QTMAN: variants seen among roughly 807,000 people sequenced by gnomAD.
The protein encoded by QTMAN is tRNA-queuosine alpha-mannosyltransferase.
At chr2:144,017,586 T>A in the QTMAN span, among the ~76,000 whole-genome samples, 1 of 152,180 alleles carries the variant, frequency 6.6e-6, no homozygotes, top group African/African-American at 2.4e-5. Context: ...CTCTGTCACT[T>A]TTTAGCTGAC....
At chr2:144,202,414 A>AT in the QTMAN span, among the ~76,000 whole-genome samples, 19 of 152,122 alleles carry the variant, frequency 1.2e-4, no homozygotes, top group Non-Finnish European at 1.5e-5. Context: ...TATTTTTCTA[A>AT]TTTTTTTCCT....
the QTMAN span, among the ~76,000 whole-genome samples, chr2:144,042,085 T>C: frequency 1.3e-5 from 2 of 152,172 alleles, no homozygotes; most frequent in Admixed American, 6.5e-5. Flanking sequence ...CTATGGGAGT[T>C]CCACAGAGGA....
chr2:144,096,987 A>G, the QTMAN span, among the ~76,000 whole-genome samples: 1 of 152,264 alleles, frequency 6.6e-6, no homozygotes, highest in East Asian at 1.9e-4. Flanking sequence ...ATACATAATC[A>G]TCTATATAAT....
chr2:144,031,001 T>C, the QTMAN span, among the ~76,000 whole-genome samples: 1 of 152,210 alleles, frequency 6.6e-6, no homozygotes, highest in Admixed American at 6.5e-5. Flanking sequence ...TCATAAAATG[T>C]ACCCACTTCT....
At chr2:144,083,632 T>A in the QTMAN span, among the ~76,000 whole-genome samples, 2 of 152,184 alleles carry the variant, frequency 1.3e-5, no homozygotes. Flanking sequence ...TATGCAGTGA[T>A]CCATAAAGGA....
At chr2:144,073,732 T>A in the QTMAN span, among the ~76,000 whole-genome samples, 1 of 152,202 alleles carries the variant, frequency 6.6e-6, no homozygotes, top group East Asian at 1.9e-4. Context: ...AAAGTTAACA[T>A]ACAAAAAAGA....
At chr2:144,273,285 T>C in the QTMAN span, among the ~76,000 whole-genome samples, 1 of 152,204 alleles carries the variant, frequency 6.6e-6, no homozygotes, top group Non-Finnish European at 1.5e-5. Context: ...CTCTTTTTTT[T>C]CTAGAAAACT....
chr2:144,019,400 G>A, the QTMAN span, among the ~76,000 whole-genome samples: 30 of 151,930 alleles, frequency 2.0e-4, 1 homozygote, highest in East Asian at 4.6e-3. Flanking sequence ...TGGTTGAGCA[G>A]AGAGGGGGAG....
chr2:144,007,227 A>G, the QTMAN span: 4 of 1,610,236 alleles, frequency 2.5e-6, no homozygotes, highest in African/African-American at 1.3e-5. Flanking sequence ...CTGATTATCA[A>G]CTCCACCCAA....
chr2:144,259,055 A>T, the QTMAN span, among the ~76,000 whole-genome samples: 6 of 152,324 alleles, frequency 3.9e-5, no homozygotes, highest in East Asian at 9.7e-4. Flanking sequence ...TTTTCTGATC[A>T]TCCAGAGATA....
chr2:144,217,302 C>G, the QTMAN span, among the ~76,000 whole-genome samples: 2 of 152,102 alleles, frequency 1.3e-5, no homozygotes, highest in Non-Finnish European at 2.9e-5. Context: ...GGTCTTCCAA[C>G]TCCATATTCA....
the QTMAN span, among the ~76,000 whole-genome samples, chr2:144,099,169 G>A: frequency 6.6e-6 from 1 of 152,242 alleles, no homozygotes; most frequent in South Asian, 2.1e-4. Context: ...ACATCTGTCT[G>A]GGACAGCAGT....
the QTMAN span, among the ~76,000 whole-genome samples, chr2:144,188,836 A>T: frequency 1.3e-5 from 2 of 152,116 alleles, no homozygotes; most frequent in Non-Finnish European, 2.9e-5. Context: ...ATAAAACAAC[A>T]ATCTGTCCAA....
chr2:144,284,330 A>G, the QTMAN span, among the ~76,000 whole-genome samples: 3 of 152,248 alleles, frequency 2.0e-5, no homozygotes, highest in East Asian at 3.9e-4. Context: ...TGTCTAGCAG[A>G]AAAAAATCAT....
chr2:144,012,222 G>C, the QTMAN span, among the ~76,000 whole-genome samples: 13 of 152,042 alleles, frequency 8.6e-5, no homozygotes. Flanking sequence ...CCAGTACTAT[G>C]TTGGGCAATG....
chr2:144,051,512 T>A, the QTMAN span, among the ~76,000 whole-genome samples: 1 of 152,176 alleles, frequency 6.6e-6, no homozygotes, highest in Non-Finnish European at 1.5e-5. Flanking sequence ...AGTGAGACTT[T>A]GTCTCTAACA....
chr2:144,177,057 C>A, the QTMAN span: 14 of 663,786 alleles, frequency 2.1e-5, no homozygotes, highest in Non-Finnish European at 1.6e-5. Flanking sequence ...AGCCAGATTT[C>A]ATAAGAATTC....
the QTMAN span, among the ~76,000 whole-genome samples, chr2:144,147,052 G>T: frequency 6.6e-6 from 1 of 151,690 alleles, no homozygotes; most frequent in East Asian, 1.9e-4. Context: ...ATCCTCCCTT[G>T]CTGACAAGCC....
chr2:143,983,880 AAC>A, the QTMAN span, among the ~76,000 whole-genome samples: 7 of 152,192 alleles, frequency 4.6e-5, no homozygotes, highest in Admixed American at 4.6e-4. Flanking sequence ...TTTTATTTAT[AAC>A]ACAGTTACAA....
Sources: gnomAD v4.1 joint callset for allele counts (sites outside exome capture counted in the v4.1 genomes callset) on GRCh38, gnomAD v4.1.1 for gene constraint, MANE v1.5 for transcripts, NCBI Gene and HGNC (gene_info 2026-07-23, HGNC 2026-07-21) for gene names.